Variants in SPHKAP observed in about 807,000 individuals in gnomAD.
The protein encoded by SPHKAP is A-kinase anchor protein SPHKAP.
A neutral mutation model predicts 137.5 loss-of-function variants in SPHKAP; 67 were observed. The observed-to-expected ratio is 0.49, with a 90% CI of 0.40 to 0.60. SPHKAP has a LOEUF of 0.60. Among genes scored for constraint, SPHKAP ranks in the 20% least tolerant of loss-of-function variants. The probability of loss-of-function intolerance (pLI) is 0.00; values close to 1 mark genes in which losing one functional copy is unlikely to be tolerated. For missense variants in SPHKAP, 2,097 were observed against 2,069.3 expected, an observed-to-expected ratio of 1.01 and a Z score of -0.26; for synonymous variants, 813 against 785.3, an observed-to-expected ratio of 1.04 and a Z score of -0.59.
chr2:228,181,193 C>A lies in SPHKAP; in HGVS notation c.32+374G>T, dbSNP rs1276460061. Among the ~76,000 whole-genome samples, 1 of 152,114 alleles carries A rather than the reference C, an allele frequency of 6.6e-6. No homozygotes were observed. Among genetic ancestry groups the A allele is most frequent in the African/African-American group, 2.4e-5 (1 of 41,434 alleles). On this transcript the variant is annotated intron_variant, in intron 1 of 11. Transcript: ENST00000392056. This position sits in a 1 kb window ranked among gnomAD's most constrained non-coding sequence, Gnocchi z 4.3. ...TAGCCCGGTTCCCTCCTGTTTTAGA[C>A]CTTGGAATCTGTCTCTCCACAAGGT... is the stretch of plus-strand genomic sequence containing the variant.
chr2:227,982,852 G>A (rs962796809), intron 11 of SPHKAP, among the ~76,000 whole-genome samples: 1 of 152,064 alleles, frequency 6.6e-6, no homozygotes, highest in Non-Finnish European at 1.5e-5. Context: ...ACATAGTAGG[G>A]GCTCCATGCA....
Position 227,995,588 on chromosome 2 carries a change from T to C in SPHKAP, c.4555A>G (p.Ser1519Gly). Residue 1519 changes from serine (S) to glycine (G), a missense_variant, in exon 8 of 12, where the codon AGC becomes GGC. By Grantham distance (56) the Ser-to-Gly change is moderately conservative (BLOSUM62 0). Coordinates refer to ENST00000392056, the MANE Select transcript of SPHKAP (RefSeq NM_001142644.2). The part of the protein sequence containing the change: ...PPSSSEESTG[S>G]WTQLANEEDN... ...TCCTCATTGGCAAGCTGGGTCCAGC[T>C]GCCTGTGCTCTCCTCGCTGCTGCTT... The C allele has an allele frequency of 6.2e-7, 1 of 1,614,146 alleles. No individual in the cohort carries two copies. Among genetic ancestry groups the C allele is most frequent in the South Asian group, 1.1e-5 (1 of 91,080 alleles).
intron 3 of SPHKAP, among the ~76,000 whole-genome samples, chr2:228,037,590 T>C (rs1441206930): frequency 6.6e-6 from 1 of 152,134 alleles, no homozygotes; most frequent in Non-Finnish European, 1.5e-5. Context: ...CATAAATATA[T>C]CTCATGTAAA....
intron 11 of SPHKAP, chr2:227,982,278 GC>G (rs1159729694): frequency 1.0e-6 from 1 of 985,104 alleles, no homozygotes; most frequent in Non-Finnish European, 1.2e-6. Context: ...GTAAATTTAG[GC>G]CAAATAAATC....
rs1187215183 is a variant in SPHKAP at position 228,018,722 on chromosome 2, T to A, written c.2132A>T (p.Gln711Leu). Residue 711 changes from glutamine (Q) to leucine (L), a missense_variant, in exon 7 of 12, where the codon CAA becomes CTA. Transcript: ENST00000392056. ...GAAGCATATCACATCTAAAAGCAGTTGATTTGTACTTTCCATTAAGGTGTC... is the reference window on the plus strand; with the variant it reads ...GAAGCATATCACATCTAAAAGCAGTAGATTTGTACTTTCCATTAAGGTGTC... ...ILDTLMESTN[Q>L]LLLDVICFTF... 16 of 1,614,100 alleles carry A rather than the reference T, an allele frequency of 9.9e-6. No individual in the cohort carries two copies. In the Admixed American group the frequency reaches 2.7e-4, roughly 27 times the overall value.
intron 1 of SPHKAP, among the ~76,000 whole-genome samples, chr2:228,169,134 A>C (rs1211414382): frequency 6.6e-6 from 1 of 152,188 alleles, no homozygotes; most frequent in Admixed American, 6.6e-5. Flanking sequence ...AACTGTCTCC[A>C]TATATAGAAG....
intron 3 of SPHKAP, among the ~76,000 whole-genome samples, chr2:228,076,427 G>T (rs1210467851): frequency 1.3e-5 from 2 of 152,216 alleles, no homozygotes; most frequent in Non-Finnish European, 2.9e-5. Context: ...CTAGAGACTT[G>T]TTGAATGACT....
chr2:228,071,890 C>T (rs991443089), intron 3 of SPHKAP, among the ~76,000 whole-genome samples: 4 of 152,086 alleles, frequency 2.6e-5, no homozygotes, highest in African/African-American at 9.7e-5. Flanking sequence ...CTTAACTGGG[C>T]CACTGGATGT....
At chr2:228,046,755 G>A (rs1247643206) in intron 3 of SPHKAP, among the ~76,000 whole-genome samples, 1 of 152,146 alleles carries the variant, frequency 6.6e-6, no homozygotes, top group Non-Finnish European at 1.5e-5. Flanking sequence ...GTCTGAGACT[G>A]AGAATTCCAG....
At chr2:228,064,755 A>G (rs1696772592) in intron 3 of SPHKAP, among the ~76,000 whole-genome samples, 1 of 152,228 alleles carries the variant, frequency 6.6e-6, no homozygotes, top group African/African-American at 2.4e-5. Flanking sequence ...CTGATAAAGA[A>G]CACAAGTAGC....
intron 3 of SPHKAP, among the ~76,000 whole-genome samples, chr2:228,031,254 G>C (rs1695302191): frequency 6.6e-6 from 1 of 152,214 alleles, no homozygotes; most frequent in Middle Eastern, 3.2e-3. Flanking sequence ...TACGCCCATG[G>C]AGTCTCCCTG....
intron 2 of SPHKAP, 40 bp from the exon 3 acceptor site, chr2:228,108,979 C>T: frequency 7.5e-7 from 1 of 1,342,076 alleles, no homozygotes. Flanking sequence ...ATTCGGCAAT[C>T]CTTTCTATCT....
At chr2:228,104,263 T>TTATATTA (rs961328823) in intron 3 of SPHKAP, among the ~76,000 whole-genome samples, 1 of 79,550 alleles carries the variant, frequency 1.3e-5, no homozygotes, top group African/African-American at 4.7e-5. Flanking sequence ...ATATATATCA[T>TTATATTA]TATATTATAT....
intron 1 of SPHKAP, among the ~76,000 whole-genome samples, chr2:228,176,186 A>G (rs937011288): frequency 2.0e-5 from 3 of 152,218 alleles, no homozygotes; most frequent in Non-Finnish European, 2.9e-5. Context: ...CTTCTTTACA[A>G]AAGAGTTTCT....
chr2:228,105,037 T>C (rs2106343080), intron 3 of SPHKAP, among the ~76,000 whole-genome samples: 1 of 152,312 alleles, frequency 6.6e-6, no homozygotes, highest in Middle Eastern at 3.4e-3. Context: ...AGTGGGATCA[T>C]AGCTAACTGC....
In SPHKAP at chr2:228,027,557, G is replaced by A; in HGVS notation, c.247-14C>T. 6.2e-7 allele frequency: 1 copy of A among 1,613,148 alleles called. No homozygotes were observed. Among genetic ancestry groups the A allele is most frequent in the Non-Finnish European group, 8.5e-7 (1 of 1,179,636 alleles). On this transcript the variant is annotated splice_polypyrimidine_tract_variant and intron_variant, in intron 3 of 11. Transcript: ENST00000392056. ...CACAAAGCAGACCTGGGAAAAGAGG[G>A]CAAAAATAGTACGTTAAAGTCAAAA...
chr2:228,011,461 A>C (rs551359953), intron 7 of SPHKAP, among the ~76,000 whole-genome samples: 1 of 152,316 alleles, frequency 6.6e-6, no homozygotes, highest in East Asian at 1.9e-4. Context: ...GCTTTAATTT[A>C]CTACCTTTTC....
chr2:228,067,309 G>C (rs1473939541), intron 3 of SPHKAP, among the ~76,000 whole-genome samples: 2 of 152,146 alleles, frequency 1.3e-5, no homozygotes, highest in Non-Finnish European at 2.9e-5. Context: ...AACATAAATA[G>C]ATCTATTTTA....
chr2:228,109,286 C>T, intron 2 of SPHKAP: 1 of 777,102 alleles, frequency 1.3e-6, no homozygotes, highest in Non-Finnish European at 1.6e-6. Context: ...TCATTTAGTG[C>T]TAGTGTTCTT....
Sources: allele counts gnomAD v4.1 joint callset (sites outside exome capture counted in the v4.1 genomes callset), GRCh38; gene constraint gnomAD v4.1.1; non-coding constraint Gnocchi (gnomAD v3.1); transcripts MANE v1.5; gene names NCBI Gene and HGNC (gene_info 2026-07-23, HGNC 2026-07-21).